Variants in NUGGC observed in about 807,000 individuals in gnomAD.
The protein encoded by NUGGC is nuclear GTPase, germinal center associated.
NUGGC carries 58 observed loss-of-function variants against 92.6 expected under a neutral mutation model. The observed-to-expected ratio is 0.63, with a 90% CI of 0.51 to 0.78. The LOEUF (loss-of-function observed/expected upper bound fraction) is 0.78. Ranked by LOEUF, NUGGC falls within the 30% of genes least tolerant of loss-of-function variation. NUGGC has a pLI of 0.00. For synonymous variants in NUGGC, 376 were observed against 366.4 expected, an observed-to-expected ratio of 1.03 and a Z score of -0.30; for missense variants, 925 against 964.6, an observed-to-expected ratio of 0.96 and a Z score of 0.54.
chr8:28,052,106 C>G (rs1046981317), intron 10 of NUGGC, among the ~76,000 whole-genome samples: 4 of 152,180 alleles, frequency 2.6e-5, no homozygotes, highest in Non-Finnish European at 5.9e-5. Flanking sequence ...GCCTGTGTCT[C>G]AGCCTTGAAT....
intron 9 of NUGGC, among the ~76,000 whole-genome samples, chr8:28,057,214 T>C (rs1253343303): frequency 6.6e-6 from 1 of 152,206 alleles, no homozygotes; most frequent in East Asian, 1.9e-4. Context: ...GCAGCTGCTG[T>C]TGCCTGTCAT....
rs1001944727 is a variant in NUGGC, at chr8:28,060,220, A to G, written c.1097+206T>C. On this transcript the variant is annotated intron_variant, in intron 8 of 18. Coordinates refer to ENST00000413272, the MANE Select transcript of NUGGC (RefSeq NM_001010906.2). ...GACACCAGCTTGGCACTAAGCAGCT[A>G]CCCTGGAAGGTTCAGATTCCTAAGA... 7.4e-5 allele frequency: 50 copies of G among 678,814 alleles called. No homozygotes were observed. In the East Asian group the frequency reaches 1.4e-3, roughly 18 times the overall value. The allele number at this position is 678,814 out of a possible 1,614,324, so 42.0% of individuals were successfully genotyped here.
intron 10 of NUGGC, among the ~76,000 whole-genome samples, chr8:28,049,724 C>T (rs562331461): frequency 1.1e-4 from 17 of 152,268 alleles, no homozygotes; most frequent in South Asian, 4.1e-4. Context: ...CATAATAAAA[C>T]GTAACACAAT....
chr8:28,070,251 C>A lies in NUGGC; in HGVS notation c.148+1G>T. The A allele has an allele frequency of 1.3e-6, 2 of 1,545,222 alleles. No homozygotes were observed. Among genetic ancestry groups the A allele is most frequent in the South Asian group, 1.2e-5 (1 of 83,860 alleles). On this transcript the variant is annotated splice_donor_variant, in intron 3 of 18. Coordinates refer to ENST00000413272, the MANE Select transcript of NUGGC (RefSeq NM_001010906.2). LOFTEE classifies it high-confidence loss of function. ...TAAAACAACAGTTCCAAGACACTCA[C>A]ATTCCTTAAGAGCACTCTGCTCCAT...
rs74698031 is a variant in NUGGC, at chr8:28,077,800, G to A, written c.-46-3344C>T. On this transcript the variant is annotated intron_variant, in intron 1 of 18. Transcript: ENST00000413272. ...ATTCTAGGAGGAAACAGTGGAGCCG[G>A]ATAAAGTACAAAAGAACTGATAGAC... Among the ~76,000 whole-genome samples the A allele has an allele frequency of 3.9e-4, 59 of 152,266 alleles. 2 individuals are homozygous for A. The East Asian group carries it at 9.5e-3, about 24-fold the overall frequency.
intron 2 of NUGGC, among the ~76,000 whole-genome samples, chr8:28,073,569 T>C (rs1285030591): frequency 6.6e-6 from 1 of 152,130 alleles, no homozygotes; most frequent in Non-Finnish European, 1.5e-5. Context: ...AACTGGGGGT[T>C]ATATCCCTGT....
At chr8:28,066,716 TTAAAA>T (rs1442201244) in intron 6 of NUGGC, among the ~76,000 whole-genome samples, 7 of 152,256 alleles carry the variant, frequency 4.6e-5, no homozygotes, top group African/African-American at 1.4e-4. Context: ...GAATTTTAAC[TTAAAA>T]TAAACATTGT....
chr8:28,059,843 G>A (rs755372437), intron 8 of NUGGC, among the ~76,000 whole-genome samples: 87 of 152,144 alleles, frequency 5.7e-4, no homozygotes, highest in Non-Finnish European at 6.5e-4. Context: ...CCAACATGGC[G>A]AAACCCCATC....
At chr8:28,065,086 C>G (rs1033870068) in intron 6 of NUGGC, among the ~76,000 whole-genome samples, 1 of 149,086 alleles carries the variant, frequency 6.7e-6, no homozygotes, top group Non-Finnish European at 1.5e-5. Flanking sequence ...CTAGCAATGA[C>G]TATAGAAAAT....
At chr8:28,063,045 C>T (rs1344585376) in intron 7 of NUGGC, among the ~76,000 whole-genome samples, 2 of 151,984 alleles carry the variant, frequency 1.3e-5, no homozygotes, top group Non-Finnish European at 1.5e-5. Flanking sequence ...TGCCTCAAGT[C>T]ACGTGACTTC....
At chr8:28,057,423 C>A (rs1810174536) in intron 9 of NUGGC, among the ~76,000 whole-genome samples, 1 of 149,036 alleles carries the variant, frequency 6.7e-6, no homozygotes, top group Non-Finnish European at 1.5e-5. Flanking sequence ...CTCAGTGCAA[C>A]CTCCGCCTCC....
chr8:28,057,255 T>A (rs1023089869), intron 9 of NUGGC, among the ~76,000 whole-genome samples: 1 of 152,082 alleles, frequency 6.6e-6, no homozygotes, highest in Non-Finnish European at 1.5e-5. Flanking sequence ...TGTAAACAGA[T>A]GAAGTAAACT....
At chr8:28,036,187 T>C (rs769971269) in intron 13 of NUGGC, among the ~76,000 whole-genome samples, 4 of 152,208 alleles carry the variant, frequency 2.6e-5, no homozygotes, top group Non-Finnish European at 5.9e-5. Context: ...ACAAACTTTA[T>C]TACTTCAGTT....
intron 10 of NUGGC, among the ~76,000 whole-genome samples, chr8:28,054,274 G>A (rs984423692): frequency 6.6e-6 from 1 of 152,114 alleles, no homozygotes; most frequent in Non-Finnish European, 1.5e-5. Flanking sequence ...CAGAGGTCAG[G>A]AGTTCGAGAC....
chr8:28,047,106 G>C (rs529033609), intron 11 of NUGGC, among the ~76,000 whole-genome samples: 1 of 152,012 alleles, frequency 6.6e-6, no homozygotes, highest in Admixed American at 6.6e-5. Context: ...AAGTAGCTGA[G>C]ATTATAGGCA....
chr8:28,077,545 T>A (rs1244674957), intron 1 of NUGGC, among the ~76,000 whole-genome samples: 3 of 151,756 alleles, frequency 2.0e-5, no homozygotes. Context: ...CCAGCCTGGG[T>A]GACAGCAAGA....
At chr8:28,042,843 C>T (rs770666263) in intron 12 of NUGGC, among the ~76,000 whole-genome samples, 2 of 152,312 alleles carry the variant, frequency 1.3e-5, no homozygotes, top group African/African-American at 2.4e-5. Flanking sequence ...GCTCTCGAAT[C>T]GATGTGTGAC....
At chr8:28,039,328 G>A (rs193263398) in intron 13 of NUGGC, among the ~76,000 whole-genome samples, 1 of 151,818 alleles carries the variant, frequency 6.6e-6, no homozygotes, top group African/African-American at 2.4e-5. Flanking sequence ...TGCCTCTCAG[G>A]TTCAAGTGAT....
chr8:28,046,612 A>G (rs1809841511), intron 11 of NUGGC, among the ~76,000 whole-genome samples: 1 of 152,122 alleles, frequency 6.6e-6, no homozygotes, highest in Admixed American at 6.5e-5. Context: ...AAAATATACA[A>G]TAGTCACTCA....
Sources: allele counts gnomAD v4.1 joint callset (sites outside exome capture counted in the v4.1 genomes callset), GRCh38; gene constraint gnomAD v4.1.1; transcripts MANE v1.5; gene names NCBI Gene and HGNC (gene_info 2026-07-23, HGNC 2026-07-21).